RNF217: variants seen among roughly 807,000 people sequenced by gnomAD.
The protein encoded by RNF217 is E3 ubiquitin-protein ligase RNF217.
RNF217 carries 31 observed loss-of-function variants against 57.8 expected under a neutral mutation model. The observed-to-expected ratio is 0.54, with a 90% CI of 0.40 to 0.72. The LOEUF is 0.72. RNF217 is among the 30% of genes least tolerant of loss of function. The pLI is 0.00. For missense variants in RNF217, 696 were observed against 708.3 expected, an observed-to-expected ratio of 0.98 and a Z score of 0.20; for synonymous variants, 313 against 294.0, an observed-to-expected ratio of 1.06 and a Z score of -0.66.
At chr6:124,998,796 T>TG (rs1562460531) in intron 1 of RNF217, among the ~76,000 whole-genome samples, 3 of 152,084 alleles carry the variant, frequency 2.0e-5, no homozygotes, top group Non-Finnish European at 2.9e-5. Context: ...AGACTCTGTC[T>TG]CAAAAAACAA....
intron 1 of RNF217, among the ~76,000 whole-genome samples, chr6:125,012,073 A>G (rs1785436267): frequency 6.6e-6 from 1 of 152,188 alleles, no homozygotes; most frequent in Non-Finnish European, 1.5e-5. Context: ...TGAAAGAGAT[A>G]GTCAGAGGTA....
rs573212218 is a variant in RNF217, at chr6:125,088,818, T to G, written c.*5881T>G. The G allele has an allele frequency of 3.4e-3, 521 of 152,636 alleles. 2 individuals are homozygous for G. Among genetic ancestry groups the G allele is most frequent in the Admixed American group, 5.8e-3 (88 of 15,284 alleles). The allele number at this position is 152,636 out of a possible 1,614,324, so 9.5% of individuals were successfully genotyped here. On this transcript the variant is annotated 3_prime_UTR_variant, in exon 6 of 6. Coordinates refer to ENST00000521654, the MANE Select transcript of RNF217 (RefSeq NM_001286398.3). ...TAAAAAATACTTTTTTTCAGTTCTG[T>G]GCTATATTCTGTCACTCTATTCCAT...
intron 1 of RNF217, among the ~76,000 whole-genome samples, chr6:125,026,533 T>C (rs10485344): frequency 0.014 from 2,189 of 152,306 alleles, 51 homozygotes; most frequent in African/African-American, 0.051. Context: ...TTTAGAGCAT[T>C]GAGAGCGTAA....
chr6:124,995,672 A>C (rs1427505997), intron 1 of RNF217, among the ~76,000 whole-genome samples: 3 of 152,170 alleles, frequency 2.0e-5, no homozygotes, highest in Admixed American at 2.0e-4. Flanking sequence ...CTGTAATCCC[A>C]GCACTTTGGG....
chr6:124,992,541 T>G (rs1419610246), intron 1 of RNF217, among the ~76,000 whole-genome samples: 1 of 152,120 alleles, frequency 6.6e-6, no homozygotes, highest in East Asian at 1.9e-4. Flanking sequence ...GTTAGCTTGT[T>G]CTAGTGTATT....
chr6:125,068,832 C>A (rs1415630630), intron 3 of RNF217, among the ~76,000 whole-genome samples: 1 of 152,020 alleles, frequency 6.6e-6, no homozygotes, highest in Non-Finnish European at 1.5e-5. Context: ...GAGTAGTATT[C>A]TTTGGAAAAA....
intron 1 of RNF217, among the ~76,000 whole-genome samples, chr6:124,999,832 C>A (rs552673974): frequency 6.6e-6 from 1 of 152,234 alleles, no homozygotes; most frequent in African/African-American, 2.4e-5. Context: ...TTTATACTTA[C>A]TTATTTCTCT....
At chr6:124,986,677 C>A (rs1398637146) in intron 1 of RNF217, among the ~76,000 whole-genome samples, 1 of 152,070 alleles carries the variant, frequency 6.6e-6, no homozygotes, top group Non-Finnish European at 1.5e-5. Context: ...CAGACATTTT[C>A]TGTAAAAGGC....
At chr6:124,964,693 A>G (rs1214723330) in intron 1 of RNF217, among the ~76,000 whole-genome samples, 1 of 152,224 alleles carries the variant, frequency 6.6e-6, no homozygotes, top group African/African-American at 2.4e-5. Flanking sequence ...AGCCTCTGAG[A>G]GACTGTTGTT....
intron 1 of RNF217, among the ~76,000 whole-genome samples, chr6:125,012,527 G>A (rs1413595): frequency 0.88 from 133,742 of 152,160 alleles, 58,839 homozygotes; most frequent in Admixed American, 0.91. Flanking sequence ...ATAATTTAAC[G>A]TGAACCTCAT....
Position 124,963,129 on chromosome 6 carries a change from G to C in RNF217, c.585G>C (p.Leu195Phe). 1 of 1,535,054 alleles carries C rather than the reference G, an allele frequency of 6.5e-7. No homozygotes were observed. The highest frequency in any genetic ancestry group is 8.7e-7 in the Non-Finnish European group (1 of 1,146,546). The change falls in exon 1 of 6, where the codon TTG becomes TTC. Residue 195 changes from leucine (L) to phenylalanine (F), a missense_variant. By Grantham distance (22) the Leu-to-Phe change is conservative. Around this residue, in one of 2 missense-constraint regions of RNF217, gnomAD observed 465 missense variants for 386.8 expected, o/e 1.20. Coordinates refer to ENST00000521654, the MANE Select transcript of RNF217 (RefSeq NM_001286398.3). ...CGCCACCTGGGGCTCCGCCAGTGTT[G>C]AACCCTCCCAGCACCCGCTCTTCCT... ...PASPPGAPPV[L>F]NPPSTRSSFP...
At chr6:124,970,493 G>A (rs934880589) in intron 1 of RNF217, among the ~76,000 whole-genome samples, 2 of 152,170 alleles carry the variant, frequency 1.3e-5, no homozygotes, top group Non-Finnish European at 2.9e-5. Context: ...AATAAGATGA[G>A]GAATAGTGTA....
chr6:125,036,853 G>A (rs1052215263), intron 1 of RNF217, among the ~76,000 whole-genome samples: 2 of 150,010 alleles, frequency 1.3e-5, no homozygotes. Flanking sequence ...AAAAAGCCAG[G>A]AAATAACAGA....
intron 1 of RNF217, among the ~76,000 whole-genome samples, chr6:124,992,256 G>T (rs1450635094): frequency 1.3e-5 from 2 of 152,098 alleles, no homozygotes; most frequent in African/African-American, 4.8e-5. Context: ...TACCGCAAAG[G>T]TATGTTTTGT....
chr6:124,964,878 A>C (rs1335712013), intron 1 of RNF217, among the ~76,000 whole-genome samples: 2 of 152,238 alleles, frequency 1.3e-5, no homozygotes, highest in Non-Finnish European at 2.9e-5. Flanking sequence ...AGATGTGTAC[A>C]AAAGAACAAT....
At chr6:125,058,972 G>A (rs559064321) in intron 3 of RNF217, among the ~76,000 whole-genome samples, 8 of 152,228 alleles carry the variant, frequency 5.3e-5, no homozygotes, top group African/African-American at 1.9e-4. Context: ...ACTTCTTGGA[G>A]ACTTAGCACC....
chr6:124,981,751 A>C (rs1055905690), intron 1 of RNF217, among the ~76,000 whole-genome samples: 1 of 151,736 alleles, frequency 6.6e-6, no homozygotes, highest in Non-Finnish European at 1.5e-5. Flanking sequence ...GAGGGCGGTG[A>C]CTCATGCCTA....
intron 3 of RNF217, among the ~76,000 whole-genome samples, chr6:125,058,602 A>C (rs1198192027): frequency 6.6e-6 from 1 of 152,164 alleles, no homozygotes; most frequent in Non-Finnish European, 1.5e-5. Context: ...GCTCATAGCT[A>C]AAATCAGGAC....
At chr6:124,995,848 G>GCTC (rs1254427352) in intron 1 of RNF217, among the ~76,000 whole-genome samples, 1 of 152,180 alleles carries the variant, frequency 6.6e-6, no homozygotes, top group Non-Finnish European at 1.5e-5. Flanking sequence ...TGTGAACCCA[G>GCTC]GAGGTGGAGG....
Sources: gnomAD v4.1 joint callset for allele counts (sites outside exome capture counted in the v4.1 genomes callset) on GRCh38, gnomAD v4.1.1 for gene constraint, gnomAD v4.1.1 regional missense constraint, MANE v1.5 for transcripts, NCBI Gene and HGNC (gene_info 2026-07-23, HGNC 2026-07-21) for gene names.